Variants in NECTIN1 observed in about 807,000 individuals in gnomAD.
NECTIN1 encodes the protein nectin-1.
A neutral mutation model predicts 48.0 loss-of-function variants in NECTIN1; 23 were observed. The ratio of observed to expected loss-of-function variants is 0.48; its 90% CI spans 0.34 to 0.68. NECTIN1 has a LOEUF of 0.68. NECTIN1 is among the 30% of genes least tolerant of loss of function. NECTIN1 has a pLI of 0.01. For missense variants in NECTIN1, 591 were observed against 709.9 expected (o/e 0.83, Z 1.90); for synonymous variants, 270 against 288.9 (o/e 0.93, Z 0.66).
chr11:119,677,853 T>A lies in NECTIN1; in HGVS notation c.435A>T (p.Lys145Asn). ...GGGTACCCTCTATCCAATTGGTGGGTTTGGCTGCGAGGAAGCAGAGAGAGT... is the reference window on the plus strand; with the variant it reads ...GGGTACCCTCTATCCAATTGGTGGGATTGGCTGCGAGGAAGCAGAGAGAGT... ...ESQLNLTVMAKPTNWIEGTQA... is the reference protein window; with the variant it reads ...ESQLNLTVMANPTNWIEGTQA... The change falls in exon 3 of 6, where the codon AAA becomes AAT. Residue 145 changes from lysine to asparagine, a missense_variant. By Grantham distance (94) the Lys-to-Asn change is moderately conservative. Transcript: ENST00000264025. This position sits in a 1 kb window ranked among gnomAD's most constrained non-coding sequence, Gnocchi z 5.4. 2 of 1,613,850 alleles carry A rather than the reference T, an allele frequency of 1.2e-6. No individual in the cohort carries two copies. The highest frequency in any genetic ancestry group is 2.2e-5 in the East Asian group (1 of 44,864).
At position 119,677,408 on chromosome 11, in the gene NECTIN1, A is replaced by C. The variant is rs1283405109; in HGVS notation, c.733+147T>G. 9.2e-7 allele frequency: 1 copy of C among 1,082,570 alleles called. No homozygotes were observed. 67.1% of individuals were successfully genotyped at this position (1,082,570 alleles called of 1,614,324 possible). On this transcript the variant is annotated intron_variant, in intron 3 of 5. Transcript: ENST00000264025. This position sits in a 1 kb window ranked among gnomAD's most constrained non-coding sequence, Gnocchi z 5.4. ...CAGGAGGGCGACAGGGAAGGAGGAG[A>C]GAAAACGAGCAAAGGGAGGAGATAG...
At chr11:119,654,645 C>T (rs980141730) in intron 5 of NECTIN1, among the ~76,000 whole-genome samples, 13 of 151,792 alleles carry the variant, frequency 8.6e-5, no homozygotes, top group Admixed American at 6.6e-5. Flanking sequence ...AATCTCAGAT[C>T]GCTGCAACCT....
rs115422499 is a variant in NECTIN1, at chr11:119,671,814, C to T, written c.1003+3345G>A. ...GGGCCTCGGCAAGCTGGGGGAGAACCGAATCCTCCCAGAGGCACGGATGCA... is the reference window on the plus strand; with the variant it reads ...GGGCCTCGGCAAGCTGGGGGAGAACTGAATCCTCCCAGAGGCACGGATGCA... On this transcript the variant is annotated intron_variant, in intron 5 of 5. Transcript: ENST00000264025. Among the ~76,000 whole-genome samples, 237 of 152,306 alleles carry T rather than the reference C, an allele frequency of 1.6e-3. 2 individuals are homozygous for T. The highest frequency in any genetic ancestry group is 5.3e-3 in the African/African-American group (220 of 41,560).
chr11:119,677,326 C>T lies in NECTIN1; in HGVS notation c.734-107G>A. 1 of 1,132,964 alleles carries T rather than the reference C, an allele frequency of 8.8e-7. No homozygotes were observed. Among genetic ancestry groups the T allele is most frequent in the South Asian group, 1.2e-5 (1 of 80,926 alleles). 70.2% of individuals were successfully genotyped at this position (1,132,964 alleles called of 1,614,324 possible). A position where few individuals can be genotyped will look rare whatever the true frequency, so the allele number is the denominator to read the frequency against. ...GAAGGAGCAGTGGCATGGAAACAGCCAGGAGAGAGGGAAGTGTGGGTGGGA... is the reference window on the plus strand; with the variant it reads ...GAAGGAGCAGTGGCATGGAAACAGCTAGGAGAGAGGGAAGTGTGGGTGGGA... On this transcript the variant is annotated intron_variant, in intron 3 of 5. Transcript: ENST00000264025. This position sits in a 1 kb window ranked among gnomAD's most constrained non-coding sequence, Gnocchi z 5.4.
intron 1 of NECTIN1, among the ~76,000 whole-genome samples, chr11:119,680,778 C>G (rs1865046630): frequency 6.6e-6 from 1 of 152,254 alleles, no homozygotes; most frequent in Admixed American, 6.5e-5. Context: ...TCCATCAGGC[C>G]TATCCCCACC....
chr11:119,690,655 C>T (rs951566509), intron 1 of NECTIN1, among the ~76,000 whole-genome samples: 2 of 152,206 alleles, frequency 1.3e-5, no homozygotes, highest in East Asian at 3.9e-4. Context: ...GGCAAAACCC[C>T]GGCCCTGTGT....
At chr11:119,711,317 G>T (rs1461751635) in intron 1 of NECTIN1, among the ~76,000 whole-genome samples, 2 of 151,892 alleles carry the variant, frequency 1.3e-5, no homozygotes, top group Non-Finnish European at 2.9e-5. Flanking sequence ...TTGAACCCAG[G>T]AGGCAGAGAT....
At chr11:119,685,936 G>A (rs1865147450) in intron 1 of NECTIN1, among the ~76,000 whole-genome samples, 1 of 152,146 alleles carries the variant, frequency 6.6e-6, no homozygotes, top group African/African-American at 2.4e-5. Flanking sequence ...GACATGACCT[G>A]TCCAGCTCAC....
At chr11:119,638,206 CTCT>C in exon 8 of NECTIN1, 5 of 1,614,098 alleles carry the variant, frequency 3.1e-6, no homozygotes, top group Non-Finnish European at 4.2e-6. Flanking sequence ...GCAAGTCCTC[CTCT>C]TCTTGCTGCT....
intron 1 of NECTIN1, among the ~76,000 whole-genome samples, chr11:119,688,591 C>T (rs111285007): frequency 3.3e-5 from 5 of 152,282 alleles, no homozygotes; most frequent in Admixed American, 2.6e-4. Context: ...AAATCATCCC[C>T]GGGTAAGACC....
chr11:119,717,832 C>T (rs948647532), intron 1 of NECTIN1, among the ~76,000 whole-genome samples: 1 of 152,206 alleles, frequency 6.6e-6, no homozygotes, highest in Non-Finnish European at 1.5e-5. Context: ...GGCAATGCTC[C>T]GGCTTGGATG....
In NECTIN1 at chr11:119,709,471, GT is replaced by G. The variant is rs1021190450; in HGVS notation, c.79+19003del. Among the ~76,000 whole-genome samples the G allele has an allele frequency of 1.3e-5, 2 of 152,178 alleles. No homozygotes were observed. Among genetic ancestry groups the G allele is most frequent in the African/African-American group, 4.8e-5 (2 of 41,450 alleles). On this transcript the variant is annotated intron_variant, in intron 1 of 5. Coordinates refer to ENST00000264025, the MANE Select transcript of NECTIN1 (RefSeq NM_002855.5). This position sits in a 1 kb window ranked among gnomAD's most constrained non-coding sequence, Gnocchi z 4.1. ...GACTACCCTCTAAAGAGTCCTTTCT[GT>G]GGGGCCCTGAGCGTCTGTAACCAGG...
At chr11:119,713,564 T>C (rs10892440) in intron 1 of NECTIN1, 140,361 of 159,528 alleles carry the variant, frequency 0.88, 63,392 homozygotes, top group South Asian at 0.98. Flanking sequence ...TGACTGTCTC[T>C]GCCCAGCCTT....
chr11:119,693,226 T>G (rs1380685719), intron 1 of NECTIN1, among the ~76,000 whole-genome samples: 1 of 152,092 alleles, frequency 6.6e-6, no homozygotes, highest in Non-Finnish European at 1.5e-5. Flanking sequence ...TGTGTGTCTC[T>G]CTCTCTCTGC....
intron 5 of NECTIN1, among the ~76,000 whole-genome samples, chr11:119,671,770 C>T (rs768998936): frequency 3.3e-5 from 5 of 152,182 alleles, no homozygotes; most frequent in African/African-American, 1.2e-4. Context: ...AGCTGTGCCT[C>T]GTGTCAGACC....
chr11:119,716,338 T>TC (rs1865742687), intron 1 of NECTIN1, among the ~76,000 whole-genome samples: 2 of 151,686 alleles, frequency 1.3e-5, no homozygotes, highest in Admixed American at 6.6e-5. Flanking sequence ...AGACTGGGAG[T>TC]CCCTCCCAGT....
In NECTIN1 at chr11:119,662,721, G is replaced by C. The variant is rs1591447199; in HGVS notation, c.*2026C>G. 10 of 985,192 alleles carry C rather than the reference G, an allele frequency of 1.0e-5. No homozygotes were observed. Among genetic ancestry groups the C allele is most frequent in the Non-Finnish European group, 1.2e-5 (10 of 830,048 alleles). 61.0% of individuals were successfully genotyped at this position (985,192 alleles called of 1,614,324 possible). ...TGATGTAATGTGGAAAAGGTCCCCT[G>C]TCCTGGGGGACACTAATACTGCTGG... On this transcript the variant is annotated 3_prime_UTR_variant, in exon 6 of 6. Coordinates refer to ENST00000264025, the MANE Select transcript of NECTIN1 (RefSeq NM_002855.5). The surrounding 1 kb of genome is among the most constrained non-coding windows in gnomAD (Gnocchi z 5.3).
intron 5 of NECTIN1, among the ~76,000 whole-genome samples, chr11:119,643,374 T>C (rs950340959): frequency 2.0e-5 from 3 of 152,234 alleles, no homozygotes; most frequent in African/African-American, 7.2e-5. Context: ...CAAAATGAGA[T>C]AATGTTATCC....
intron 5 of NECTIN1, among the ~76,000 whole-genome samples, chr11:119,668,869 A>T (rs973637274): frequency 7.2e-5 from 11 of 152,222 alleles, no homozygotes; most frequent in Non-Finnish European, 1.2e-4. Context: ...GGTTTGAGGA[A>T]GTGGCAGCCT....
Sources: allele counts gnomAD v4.1 joint callset (sites outside exome capture counted in the v4.1 genomes callset), GRCh38; gene constraint gnomAD v4.1.1; non-coding constraint Gnocchi (gnomAD v3.1); transcripts MANE v1.5; gene names NCBI Gene and HGNC (gene_info 2026-07-23, HGNC 2026-07-21).